The following FHIT variants were observed in gnomAD, a reference collection of about 807,000 sequenced individuals.
The protein encoded by FHIT is fragile histidine triad diadenosine triphosphatase, also known as bis(5'-adenosyl)-triphosphatase.
FHIT carries 19 observed loss-of-function variants against 17.9 expected under a neutral mutation model. That is an observed-to-expected ratio of 1.06 (90% confidence interval 0.74 to 1.56). The LOEUF is 1.56. Among genes scored for constraint, FHIT ranks in the 40% most tolerant of loss-of-function variants. The probability of loss-of-function intolerance (pLI) is 0.00; values close to 1 mark genes in which losing one functional copy is unlikely to be tolerated. For missense variants in FHIT, 248 were observed against 189.2 expected, an observed-to-expected ratio of 1.31 and a Z score of -1.82; for synonymous variants, 81 against 69.7, an observed-to-expected ratio of 1.16 and a Z score of -0.81.
At chr3:60,068,849 T>C (rs1484546613) in intron 5 of FHIT, among the ~76,000 whole-genome samples, 1 of 152,188 alleles carries the variant, frequency 6.6e-6, no homozygotes, top group Non-Finnish European at 1.5e-5. Context: ...TAGACGGTCC[T>C]AAGAATCTAT....
intron 3 of FHIT, among the ~76,000 whole-genome samples, chr3:60,825,225 T>C (rs1443817631): frequency 6.6e-6 from 1 of 152,112 alleles, no homozygotes; most frequent in African/African-American, 2.4e-5. Context: ...CTAAGAAACA[T>C]ACACATAAGG....
At chr3:60,277,169 TTCTGGA>T (rs1707184854) in intron 5 of FHIT, among the ~76,000 whole-genome samples, 1 of 152,166 alleles carries the variant, frequency 6.6e-6, no homozygotes, top group Non-Finnish European at 1.5e-5. Context: ...TGGTCCTAAT[TTCTGGA>T]TCTGGTTTTC....
Position 60,227,477 on chromosome 3 carries a change from T to C in FHIT, c.104-213325A>G, listed in dbSNP as rs571943143. On this transcript the variant is annotated intron_variant, in intron 5 of 9. Transcript: ENST00000492590. ...ATTCAAGTGTGTTATGTTTTCATTA[T>C]TTACATTTCCCTTGGAATTTGAGGG... Among the ~76,000 whole-genome samples, 12 of 152,304 alleles carry C rather than the reference T, an allele frequency of 7.9e-5. No individual in the cohort carries two copies. In the East Asian group the frequency reaches 1.9e-3, roughly 25 times the overall value.
chr3:60,625,070 G>C (rs545708546), intron 4 of FHIT, among the ~76,000 whole-genome samples: 1 of 152,024 alleles, frequency 6.6e-6, no homozygotes, highest in Non-Finnish European at 1.5e-5. Context: ...CACCATGCCT[G>C]GCAAATTTTT....
chr3:60,638,167 G>T (rs937689100), intron 4 of FHIT, among the ~76,000 whole-genome samples: 3 of 152,056 alleles, frequency 2.0e-5, no homozygotes, highest in African/African-American at 7.2e-5. Flanking sequence ...AGAAACTAAG[G>T]GAAATTAAAC....
chr3:59,759,048 G>C (rs1559578567), intron 8 of FHIT, among the ~76,000 whole-genome samples: 2 of 152,074 alleles, frequency 1.3e-5, no homozygotes, highest in Non-Finnish European at 2.9e-5. Context: ...TTAAAGGAAG[G>C]CTTCACTGAA....
intron 8 of FHIT, among the ~76,000 whole-genome samples, chr3:59,917,132 T>C (rs1705170628): frequency 6.6e-6 from 1 of 152,236 alleles, no homozygotes; most frequent in African/African-American, 2.4e-5. Context: ...ATGGCCTGCA[T>C]TTTAGCAAGT....
At chr3:60,462,018 G>T (rs985406840) in intron 5 of FHIT, among the ~76,000 whole-genome samples, 1 of 152,086 alleles carries the variant, frequency 6.6e-6, no homozygotes, top group South Asian at 2.1e-4. Context: ...TCTTCAGTTC[G>T]CCTGACTCAG....
Position 60,536,938 on chromosome 3 carries a change from G to C in FHIT, c.25C>G (p.Leu9Val), listed in dbSNP as rs368805366. 1.6e-5 allele frequency: 26 copies of C among 1,612,342 alleles called. No individual in the cohort carries two copies. Among genetic ancestry groups the C allele is most frequent in the Non-Finnish European group, 1.9e-5 (22 of 1,179,224 alleles). Residue 9 changes from leucine (L) to valine (V), a missense_variant, in exon 5 of 10, where the codon CTC becomes GTC. By Grantham distance (32) the Leu-to-Val change is conservative. Transcript: ENST00000492590. ...AGAAACACTACAGAGGGCTTGATGA[G>C]ATGTTGGCCAAATCTGAACGACATG... MSFRFGQH[L>V]IKPSVVFLKT... is the part of the protein sequence containing the mutation.
intron 4 of FHIT, among the ~76,000 whole-genome samples, chr3:60,668,350 G>A (rs1553692971): frequency 7.7e-6 from 1 of 130,306 alleles, no homozygotes; most frequent in Non-Finnish European, 1.6e-5. Flanking sequence ...GATAGTTCCA[G>A]AGGGACATCC....
chr3:59,851,970 A>G (rs1279496863), intron 8 of FHIT, among the ~76,000 whole-genome samples: 1 of 152,212 alleles, frequency 6.6e-6, no homozygotes, highest in African/African-American at 2.4e-5. Context: ...TTGCTCTAAA[A>G]CACATTCCTT....
intron 5 of FHIT, among the ~76,000 whole-genome samples, chr3:60,058,693 T>C (rs1057088911): frequency 1.3e-5 from 2 of 152,138 alleles, no homozygotes; most frequent in African/African-American, 2.4e-5. Flanking sequence ...GATGATCTAC[T>C]CCAGGCATGC....
chr3:60,616,041 T>C (rs1449344834), intron 4 of FHIT, among the ~76,000 whole-genome samples: 1 of 152,212 alleles, frequency 6.6e-6, no homozygotes, highest in African/African-American at 2.4e-5. Context: ...TATGAGTTAT[T>C]AACACCCTTG....
At chr3:60,057,779 T>C (rs1336031472) in intron 5 of FHIT, among the ~76,000 whole-genome samples, 1 of 152,134 alleles carries the variant, frequency 6.6e-6, no homozygotes, top group African/African-American at 2.4e-5. Flanking sequence ...ATTCTCAGGA[T>C]TGCTTCCTTG....
chr3:60,286,836 A>G (rs1707751510), intron 5 of FHIT, among the ~76,000 whole-genome samples: 1 of 152,104 alleles, frequency 6.6e-6, no homozygotes, highest in Admixed American at 6.6e-5. Context: ...TCCCATGCAC[A>G]TTGCTTCCCT....
intron 5 of FHIT, among the ~76,000 whole-genome samples, chr3:60,429,853 T>C (rs1702810264): frequency 6.6e-6 from 1 of 151,914 alleles, no homozygotes; most frequent in Non-Finnish European, 1.5e-5. Flanking sequence ...AGTGAGGAGG[T>C]GGAAGAAGTC....
intron 7 of FHIT, among the ~76,000 whole-genome samples, chr3:59,952,262 C>T (rs931976077): frequency 3.3e-5 from 5 of 152,286 alleles, no homozygotes; most frequent in Non-Finnish European, 4.4e-5. Flanking sequence ...AACAACCTGC[C>T]GAGTTTGTCT....
At chr3:60,493,256 T>C (rs2034142818) in intron 5 of FHIT, among the ~76,000 whole-genome samples, 1 of 152,176 alleles carries the variant, frequency 6.6e-6, no homozygotes, top group Admixed American at 6.5e-5. Context: ...AAGTTTAAAA[T>C]ACAGACTTTC....
At chr3:60,789,450 A>G (rs4974240) in intron 4 of FHIT, among the ~76,000 whole-genome samples, 83,763 of 151,986 alleles carry the variant, frequency 0.55, 24,366 homozygotes, top group African/African-American at 0.72. Flanking sequence ...CCCAGGAGAC[A>G]GAGGTTGCAG....
Sources: allele counts gnomAD v4.1 joint callset (sites outside exome capture counted in the v4.1 genomes callset), GRCh38; gene constraint gnomAD v4.1.1; transcripts MANE v1.5; gene names NCBI Gene and HGNC (gene_info 2026-07-23, HGNC 2026-07-21).